The following LAMA3 variants were observed in gnomAD, a reference collection of about 807,000 sequenced individuals.
The protein encoded by LAMA3 is laminin subunit alpha 3.
A neutral mutation model predicts 402.0 loss-of-function variants in LAMA3; 281 were observed. The observed-to-expected ratio is 0.70, with a 90% CI of 0.63 to 0.77. The LOEUF (loss-of-function observed/expected upper bound fraction) is 0.77, where lower values mean the gene tolerates loss of function less well. LAMA3 is among the 30% of genes least tolerant of loss of function. The pLI, the probability that LAMA3 is intolerant of heterozygous loss-of-function variation, is 0.00. For missense variants in LAMA3, 3,840 were observed against 4,215.5 expected, an observed-to-expected ratio of 0.91 and a Z score of 2.47; for synonymous variants, 1,431 against 1,558.4, an observed-to-expected ratio of 0.92 and a Z score of 1.93.
At chr18:23,821,456 G>A (rs2063284180) in intron 19 of LAMA3, among the ~76,000 whole-genome samples, 2 of 152,158 alleles carry the variant, frequency 1.3e-5, no homozygotes, top group South Asian at 2.1e-4. Flanking sequence ...CAAAGAAGTT[G>A]GGGGAAATGC....
At chr18:23,764,601 T>C (rs999902396) in intron 8 of LAMA3, among the ~76,000 whole-genome samples, 1 of 152,168 alleles carries the variant, frequency 6.6e-6, no homozygotes, top group Non-Finnish European at 1.5e-5. Flanking sequence ...AAAACATTTT[T>C]TTTTTTTTTG....
intron 2 of LAMA3, among the ~76,000 whole-genome samples, chr18:23,727,072 GAAACTTTTTAGTTTA>G (rs2061312842): frequency 6.6e-6 from 1 of 152,170 alleles, no homozygotes. Context: ...TTGCTGTGCA[GAAACTTTTTAGTTTA>G]ATTAGGTCCC....
chr18:23,701,337 G>A (rs1245028357), intron 1 of LAMA3, among the ~76,000 whole-genome samples: 2 of 152,202 alleles, frequency 1.3e-5, no homozygotes, highest in Non-Finnish European at 2.9e-5. Context: ...GAGCGGGCAA[G>A]TGGTCAGAAG....
At chr18:23,783,975 A>C in intron 11 of LAMA3, 48 bp from the exon 12 acceptor site, 1 of 1,610,962 alleles carries the variant, frequency 6.2e-7, no homozygotes, top group Non-Finnish European at 8.5e-7. Context: ...AAATTAAGAA[A>C]GTGATGGAAG....
In LAMA3 at chr18:23,810,393, A is replaced by G. The variant is rs1388691324; in HGVS notation, c.1631A>G (p.Tyr544Cys). 6.2e-7 allele frequency: 1 copy of G among 1,614,018 alleles called. No individual in the cohort carries two copies. Among genetic ancestry groups the G allele is most frequent in the Non-Finnish European group, 8.5e-7 (1 of 1,179,992 alleles). The change falls in exon 13 of 75, where the codon TAC (tyrosine) becomes TGC (cysteine). Residue 544 changes from tyrosine to cysteine, a missense_variant. Around this residue, in one of 3 missense-constraint regions of LAMA3, gnomAD observed 2,109 missense variants for 2,376.0 expected, o/e 0.89. Transcript: ENST00000313654. Reference sequence around the variant, plus strand: ...TGCTGGTGTTCAGCCCTTGGATCCTACCAGATGCCCTGCAGCTCAGTGACT... The same window carrying G: ...TGCTGGTGTTCAGCCCTTGGATCCTGCCAGATGCCCTGCAGCTCAGTGACT... ...QACWCSALGS[Y>C]QMPCSSVTGQ...
chr18:23,760,680 A>G (rs2061949589), intron 7 of LAMA3, among the ~76,000 whole-genome samples: 1 of 152,236 alleles, frequency 6.6e-6, no homozygotes. Flanking sequence ...AAATTAAAAA[A>G]ATAAATAAAG....
At chr18:23,802,347 A>G (rs1156727355) in intron 12 of LAMA3, among the ~76,000 whole-genome samples, 1 of 152,184 alleles carries the variant, frequency 6.6e-6, no homozygotes, top group Admixed American at 6.5e-5. Flanking sequence ...ATGGTTCTTT[A>G]CCTGGTGAAG....
At chr18:23,919,769 C>T (rs910869484) in intron 60 of LAMA3, among the ~76,000 whole-genome samples, 2 of 151,632 alleles carry the variant, frequency 1.3e-5, no homozygotes, top group Admixed American at 6.6e-5. Flanking sequence ...GCAGATGCCA[C>T]GCAGCATCTG....
At chr18:23,767,578 C>CTTTTTTTTTTTTTTTTTT (rs71163640) in intron 8 of LAMA3, among the ~76,000 whole-genome samples, 2 of 125,802 alleles carry the variant, frequency 1.6e-5, no homozygotes, top group Non-Finnish European at 1.6e-5. Flanking sequence ...TCTTTCTTTT[C>CTTTTTTTTTTTTTTTTTT]TTTTTTTTTT....
chr18:23,744,715 C>G (rs2061619675), intron 2 of LAMA3, among the ~76,000 whole-genome samples: 1 of 151,298 alleles, frequency 6.6e-6, no homozygotes, highest in East Asian at 1.9e-4. Flanking sequence ...GCCTGTGGTC[C>G]CAGCTACTCA....
intron 61 of LAMA3, 110 bp from the exon 62 acceptor site, chr18:23,921,342 A>G: frequency 2.5e-6 from 3 of 1,186,290 alleles, no homozygotes; most frequent in Non-Finnish European, 3.5e-6. Context: ...CCTACTATGT[A>G]TATAAATGAA....
At chr18:23,935,147 A>G (rs766317428) in intron 67 of LAMA3, among the ~76,000 whole-genome samples, 1 of 152,260 alleles carries the variant, frequency 6.6e-6, no homozygotes, top group Non-Finnish European at 1.5e-5. Flanking sequence ...GATAGAATAC[A>G]CATGACTCAG....
rs1410792913 is a variant in LAMA3, at chr18:23,839,855, C to G, written c.3262C>G (p.Pro1088Ala). 1 of 1,614,000 alleles carries G rather than the reference C, an allele frequency of 6.2e-7. No homozygotes were observed. Among genetic ancestry groups the G allele is most frequent in the Non-Finnish European group, 8.5e-7 (1 of 1,179,828 alleles). The change falls in exon 27 of 75, where the codon CCT (proline) becomes GCT (alanine). Residue 1088 changes from proline (P) to alanine (A), a missense_variant. Coordinates refer to ENST00000313654, the MANE Select transcript of LAMA3 (RefSeq NM_198129.4). This position sits in a 1 kb window ranked among gnomAD's most constrained non-coding sequence, Gnocchi z 4.5. ...AATTTTGGATGTTCTAAGTGGCAGG[C>G]CTTTCCCTCACCTGCCCCAGCAGTC... The part of the protein sequence containing the change: ...ALILDVLSGR[P>A]FPHLPQQSSP...
chr18:23,871,966 T>A (rs2064537473), intron 38 of LAMA3, among the ~76,000 whole-genome samples: 1 of 152,208 alleles, frequency 6.6e-6, no homozygotes, highest in Non-Finnish European at 1.5e-5. Flanking sequence ...ATATTGACTA[T>A]TCCCAACACA....
At chr18:23,697,380 G>A (rs1365615901) in intron 1 of LAMA3, among the ~76,000 whole-genome samples, 1 of 152,132 alleles carries the variant, frequency 6.6e-6, no homozygotes, top group Non-Finnish European at 1.5e-5. Flanking sequence ...TTTGGTCAAC[G>A]ACGCAGGCTG....
At chr18:23,801,111 A>C (rs1236163350) in intron 12 of LAMA3, among the ~76,000 whole-genome samples, 1 of 152,248 alleles carries the variant, frequency 6.6e-6, no homozygotes, top group African/African-American at 2.4e-5. Context: ...AGCCATAAAA[A>C]AGAATGAACT....
chr18:23,864,286 G>A (rs2064297650), intron 35 of LAMA3, among the ~76,000 whole-genome samples: 1 of 150,994 alleles, frequency 6.6e-6, no homozygotes, highest in Admixed American at 6.6e-5. Flanking sequence ...CACTGCAGTG[G>A]TACAATAATA....
chr18:23,771,625 A>G (rs963617597), intron 8 of LAMA3, among the ~76,000 whole-genome samples: 7 of 152,260 alleles, frequency 4.6e-5, no homozygotes, highest in Non-Finnish European at 8.8e-5. Flanking sequence ...AGTTAAATGC[A>G]TGGTGAAGTA....
intron 2 of LAMA3, among the ~76,000 whole-genome samples, chr18:23,721,895 T>C (rs1325954351): frequency 6.6e-6 from 1 of 152,214 alleles, no homozygotes; most frequent in Non-Finnish European, 1.5e-5. Context: ...AGGTTGGCAG[T>C]CTTCCAAGGG....
Sources: allele counts gnomAD v4.1 joint callset (sites outside exome capture counted in the v4.1 genomes callset), GRCh38; gene constraint gnomAD v4.1.1; regional missense constraint gnomAD v4.1.1; non-coding constraint Gnocchi (gnomAD v3.1); transcripts MANE v1.5; gene names NCBI Gene and HGNC (gene_info 2026-07-23, HGNC 2026-07-21).